ZFP69B: variants seen among roughly 807,000 people sequenced by gnomAD.
ZFP69B encodes ZFP69 zinc finger protein B.
ZFP69B carries 20 observed loss-of-function variants against 19.7 expected under a neutral mutation model. That is an observed-to-expected ratio of 1.02 (90% CI 0.71 to 1.48). ZFP69B has a LOEUF of 1.48. Ranked by LOEUF, ZFP69B falls within the 40% of genes most tolerant of loss-of-function variation. The pLI is 0.00. For synonymous variants in ZFP69B, 220 were observed against 222.7 expected, an observed-to-expected ratio of 0.99 and a Z score of 0.11; for missense variants, 583 against 632.6, an observed-to-expected ratio of 0.92 and a Z score of 0.84.
rs1235756889 is a variant in ZFP69B, at chr1:40,463,476, AC to A, written c.1493del (p.Thr498MetfsTer29). 3 of 1,614,196 alleles carry A rather than the reference AC, an allele frequency of 1.9e-6. No individual in the cohort carries two copies. The highest frequency in any genetic ancestry group is 2.5e-6 in the Non-Finnish European group (3 of 1,180,020). On this transcript the variant is annotated frameshift_variant, in exon 5 of 5. Coordinates refer to ENST00000361584, the MANE Select transcript of ZFP69B (RefSeq NM_023070.3). LOFTEE classifies it low-confidence loss of function (END_TRUNC). ...SSFAKHQRIHTGEKPYDCNEC... is the reference protein window; with the variant it reads ...SSFAKHQRIHXGEKPYDCNEC... ...CTTTGCTAAACATCAGAGAATTCAT[AC>A]TGGAGAAAAACCTTATGATTGTAAT... is the stretch of plus-strand genomic sequence containing the variant.
At chr1:40,452,966 T>G (rs1645199248) in intron 1 of ZFP69B, among the ~76,000 whole-genome samples, 1 of 143,154 alleles carries the variant, frequency 7.0e-6, no homozygotes, top group African/African-American at 2.7e-5. Context: ...TGTGCCTTAA[T>G]TCCTAGTGGT....
intron 2 of ZFP69B, among the ~76,000 whole-genome samples, chr1:40,454,879 TAGAG>T (rs548201462): frequency 1.3e-5 from 2 of 151,994 alleles, no homozygotes; most frequent in Non-Finnish European, 2.9e-5. Context: ...GAAAAGGAAA[TAGAG>T]AGGAGAAGAA....
rs1645243250 is a variant in ZFP69B, at chr1:40,457,362, C to G, written c.359C>G (p.Pro120Arg). Reference protein sequence around the residue: ...LVSVGCQLSKPGVISQLEKGE... With the variant: ...LVSVGCQLSKRGVISQLEKGE... ...TAAGCAGGATGTCAGCTTTCCAAAC[C>G]TGGCGTGATTTCCCAGTTGGAGAAA... The change falls in exon 4 of 5, where the codon CCT becomes CGT. Residue 120 changes from proline to arginine, a missense_variant. Coordinates refer to ENST00000361584, the MANE Select transcript of ZFP69B (RefSeq NM_023070.3). The G allele has an allele frequency of 1.9e-6, 3 of 1,614,026 alleles. No homozygotes were observed. The highest frequency in any genetic ancestry group is 1.7e-6 in the Non-Finnish European group (2 of 1,180,028).
intron 1 of ZFP69B, among the ~76,000 whole-genome samples, 188 bp from the exon 2 acceptor site, chr1:40,454,015 T>C (rs1243340067): frequency 6.6e-6 from 1 of 152,178 alleles, no homozygotes; most frequent in Non-Finnish European, 1.5e-5. Context: ...TTGGGAAATA[T>C]TAATGGTGAA....
chr1:40,452,883 A>C (rs1394282937), intron 1 of ZFP69B, among the ~76,000 whole-genome samples: 2 of 152,172 alleles, frequency 1.3e-5, no homozygotes, highest in African/African-American at 2.4e-5. Flanking sequence ...CAATTGTTGA[A>C]TCTAGATGTG....
chr1:40,458,373 C>T (rs944780597), intron 4 of ZFP69B, among the ~76,000 whole-genome samples: 6 of 151,982 alleles, frequency 3.9e-5, no homozygotes, highest in Non-Finnish European at 7.4e-5. Flanking sequence ...AATGCAGATA[C>T]ATGATTTCTG....
chr1:40,457,051 A>G lies in ZFP69B; in HGVS notation c.320A>G (p.Tyr107Cys), dbSNP rs149245681. The G allele has an allele frequency of 5.6e-6, 9 of 1,608,316 alleles. No individual in the cohort carries two copies. Among genetic ancestry groups the G allele is most frequent in the African/African-American group, 1.3e-5 (1 of 74,592 alleles). The change falls in exon 3 of 5, where the codon TAT becomes TGT. Residue 107 changes from tyrosine (Y) to cysteine (C), a missense_variant. By Grantham distance (194) the Tyr-to-Cys change is radical (BLOSUM62 -2). Transcript: ENST00000361584. ...NLYREVMLENYGNLVSVGCQL... is the reference protein window; with the variant it reads ...NLYREVMLENCGNLVSVGCQL... ...TACCGGGAGGTGATGCTGGAGAACT[A>G]TGGGAACCTGGTCTCAGTGGGTAAG...
rs1280800160 is a variant in ZFP69B at position 40,451,104 on chromosome 1, T to C, written c.127+16T>C. 3 of 1,512,928 alleles carry C rather than the reference T, an allele frequency of 2.0e-6. No homozygotes were observed. Among genetic ancestry groups the C allele is most frequent in the Non-Finnish European group, 2.7e-6 (3 of 1,124,666 alleles). The allele number at this position is 1,512,928 out of a possible 1,614,324, so 93.7% of individuals were successfully genotyped here. A position where few individuals can be genotyped will look rare whatever the true frequency, so the allele number is the denominator to read the frequency against. The stretch of plus-strand genomic sequence containing the variant: ...AAAGCAGAAGGTAAGAATAAACTGA[T>C]GGGTGGGAGGGAGGAAAAGCAGTCC... On this transcript the variant is annotated intron_variant, in intron 1 of 4. Coordinates refer to ENST00000361584, the MANE Select transcript of ZFP69B (RefSeq NM_023070.3).
At chr1:40,462,348 T>C (rs1012092020) in intron 4 of ZFP69B, 73 bp from the exon 5 acceptor site, 1 of 1,407,392 alleles carries the variant, frequency 7.1e-7, no homozygotes, top group African/African-American at 1.4e-5. Context: ...ATTTTGTCCT[T>C]CCATTCTCAC....
At chr1:40,458,510 T>G (rs1645254295) in intron 4 of ZFP69B, among the ~76,000 whole-genome samples, 1 of 138,532 alleles carries the variant, frequency 7.2e-6, no homozygotes, top group Non-Finnish European at 1.5e-5. Flanking sequence ...TCTGGAGAAA[T>G]TGTTTTTTTT....
At chr1:40,453,976 A>T (rs1645209651) in intron 1 of ZFP69B, among the ~76,000 whole-genome samples, 1 of 152,156 alleles carries the variant, frequency 6.6e-6, no homozygotes, top group African/African-American at 2.4e-5. Flanking sequence ...TTTTGAACAA[A>T]AGATTGGCCT....
intron 1 of ZFP69B, among the ~76,000 whole-genome samples, chr1:40,451,395 G>A (rs1026802755): frequency 2.6e-5 from 4 of 152,128 alleles, no homozygotes; most frequent in African/African-American, 7.2e-5. Flanking sequence ...CAAATGGGAG[G>A]CCTGCCCAGG....
chr1:40,461,251 C>T (rs1443168465), intron 4 of ZFP69B, among the ~76,000 whole-genome samples: 1 of 150,884 alleles, frequency 6.6e-6, no homozygotes, highest in Non-Finnish European at 1.5e-5. Flanking sequence ...TGTACAAATG[C>T]ATACATTCAC....
Position 40,457,234 on chromosome 1 carries a change from C to G in ZFP69B, c.341-110C>G, listed in dbSNP as rs1335163257. 8 of 1,479,608 alleles carry G rather than the reference C, an allele frequency of 5.4e-6. No homozygotes were observed. In the African/African-American group the frequency reaches 9.7e-5, roughly 18 times the overall value. 91.7% of individuals were successfully genotyped at this position (1,479,608 alleles called of 1,614,324 possible). A position where few individuals can be genotyped will look rare whatever the true frequency, so the allele number is the denominator to read the frequency against. On this transcript the variant is annotated intron_variant, in intron 3 of 4. Transcript: ENST00000361584. ...TATGCTCTTTTCTGCTCTGTTCTTTCTACTCTACTCTGCTTTCTTTAGAAG... is the reference window on the plus strand; with the variant it reads ...TATGCTCTTTTCTGCTCTGTTCTTTGTACTCTACTCTGCTTTCTTTAGAAG...
intron 4 of ZFP69B, among the ~76,000 whole-genome samples, chr1:40,458,548 G>T (rs1645255197): frequency 2.1e-5 from 3 of 144,340 alleles, no homozygotes; most frequent in African/African-American, 7.7e-5. Context: ...ACAGAGTCTT[G>T]CTGTGTCACC....
intron 4 of ZFP69B, among the ~76,000 whole-genome samples, chr1:40,461,550 T>G (rs990550524): frequency 6.6e-6 from 1 of 152,124 alleles, no homozygotes; most frequent in East Asian, 1.9e-4. Context: ...ATCCTAGCAC[T>G]TTGGGAGGCC....
chr1:40,463,277 T>G lies in ZFP69B; in HGVS notation c.1293T>G (p.Ser431Arg). The change falls in exon 5 of 5, where the codon AGT (serine) becomes AGG (arginine). Residue 431 changes from serine (S) to arginine (R), a missense_variant. Physicochemically the swap from Ser to Arg is moderately radical, Grantham distance 110 (BLOSUM62 -1). Coordinates refer to ENST00000361584, the MANE Select transcript of ZFP69B (RefSeq NM_023070.3). ...TATGTAGTAAAACCTTCAGCCATAG[T>G]ACATACCTAACTCAACACCAGAGAA... ...CNVCSKTFSH[S>R]TYLTQHQRTH... The G allele has an allele frequency of 6.2e-7, 1 of 1,614,168 alleles. No individual in the cohort carries two copies. The highest frequency in any genetic ancestry group is 2.2e-5 in the East Asian group (1 of 44,874).
At chr1:40,455,098 G>C (rs982215317) in intron 2 of ZFP69B, among the ~76,000 whole-genome samples, 10 of 152,168 alleles carry the variant, frequency 6.6e-5, no homozygotes, top group Middle Eastern at 3.2e-3. Flanking sequence ...AATGAGTAGA[G>C]AAGATACTGG....
intron 4 of ZFP69B, among the ~76,000 whole-genome samples, chr1:40,462,062 T>G (rs1005210596): frequency 6.0e-5 from 9 of 151,012 alleles, no homozygotes; most frequent in East Asian, 4.0e-4. Flanking sequence ...TGCCTGGTTT[T>G]TTTGTTTGTT....
Sources: gnomAD v4.1 joint callset for allele counts (sites outside exome capture counted in the v4.1 genomes callset) on GRCh38, gnomAD v4.1.1 for gene constraint, MANE v1.5 for transcripts, NCBI Gene and HGNC (gene_info 2026-07-23, HGNC 2026-07-21) for gene names.